The following NKD1 variants were observed in gnomAD, a reference collection of about 807,000 sequenced individuals.
The protein encoded by NKD1 is protein naked cuticle homolog 1.
Under a neutral mutation model 56.0 loss-of-function variants are expected in NKD1, and 21 were observed. The ratio of observed to expected loss-of-function variants is 0.38; its 90% CI spans 0.27 to 0.54. The LOEUF (loss-of-function observed/expected upper bound fraction) is 0.54. Ranked by LOEUF, NKD1 falls within the 20% of genes least tolerant of loss-of-function variation. The probability of loss-of-function intolerance (pLI) is 0.82; values close to 1 mark genes in which losing one functional copy is unlikely to be tolerated. For missense variants in NKD1, 578 were observed against 642.7 expected, an observed-to-expected ratio of 0.90 and a Z score of 1.09; for synonymous variants, 263 against 265.7, an observed-to-expected ratio of 0.99 and a Z score of 0.10.
In NKD1 at chr16:50,567,136, C is replaced by G. The variant is rs376894246; in HGVS notation, c.192+17581C>G. Among the ~76,000 whole-genome samples the G allele has an allele frequency of 2.1e-3, 324 of 152,158 alleles. 11 individuals carry two copies. In the South Asian group the frequency reaches 0.065, roughly 30 times the overall value. ...TTGGGTTTATACTGAACCGTGTTGA[C>G]GCTGGGCCTTAGTTTTCTTACCTAT... is the stretch of plus-strand genomic sequence containing the variant. On this transcript the variant is annotated intron_variant, in intron 3 of 9. Transcript: ENST00000268459.
chr16:50,631,337 G>A (rs372796264), intron 8 of NKD1, among the ~76,000 whole-genome samples: 1 of 152,174 alleles, frequency 6.6e-6, no homozygotes, highest in Non-Finnish European at 1.5e-5. Flanking sequence ...TGGTGGATAA[G>A]GAATTATGAG....
chr16:50,647,579 C>T lies in NKD1; in HGVS notation c.*13798C>T. On this transcript the variant is annotated 3_prime_UTR_variant, in exon 10 of 10. Coordinates refer to ENST00000268459, the MANE Select transcript of NKD1 (RefSeq NM_033119.5). The stretch of plus-strand genomic sequence containing the variant: ...AGGAAGGGAAGTTCCACTCCAGGAG[C>T]CCACGTGGAACATACCTCAGAGTTA... 6.6e-6 allele frequency: 1 copy of T among 152,248 alleles called. No homozygotes were observed. Among genetic ancestry groups the T allele is most frequent in the Non-Finnish European group, 1.5e-5 (1 of 68,020 alleles). 9.4% of individuals were successfully genotyped at this position (152,248 alleles called of 1,614,324 possible).
intron 3 of NKD1, among the ~76,000 whole-genome samples, chr16:50,567,294 T>C (rs1960782553): frequency 6.6e-6 from 1 of 152,370 alleles, no homozygotes; most frequent in Non-Finnish European, 1.5e-5. Context: ...TTAAGGCCTC[T>C]GGATCTGCTG....
At chr16:50,610,218 A>G (rs1223740933) in intron 4 of NKD1, among the ~76,000 whole-genome samples, 1 of 152,230 alleles carries the variant, frequency 6.6e-6, no homozygotes, top group Non-Finnish European at 1.5e-5. Flanking sequence ...AACCACAATT[A>G]TGTATTCCTT....
At position 50,630,752 on chromosome 16, in the gene NKD1, C is replaced by T. The variant is rs539429535; in HGVS notation, c.611-74C>T. 1.4e-4 allele frequency: 182 copies of T among 1,336,608 alleles called. 2 individuals carry two copies. The African/African-American group carries it at 2.2e-3, about 16-fold the overall frequency. The allele number at this position is 1,336,608 out of a possible 1,614,324, so 82.8% of individuals were successfully genotyped here. A position where few individuals can be genotyped will look rare whatever the true frequency, so the allele number is the denominator to read the frequency against. On this transcript the variant is annotated intron_variant, in intron 7 of 9. Coordinates refer to ENST00000268459, the MANE Select transcript of NKD1 (RefSeq NM_033119.5). Reference sequence around the variant, plus strand: ...ACAGTGGCCTTGCAAAGCAGCTGCACGCCAGGCAGCCCTGGGGAGGGTGGG... The same window carrying T: ...ACAGTGGCCTTGCAAAGCAGCTGCATGCCAGGCAGCCCTGGGGAGGGTGGG...
intron 3 of NKD1, among the ~76,000 whole-genome samples, chr16:50,594,061 A>G (rs1311393764): frequency 6.6e-6 from 1 of 150,740 alleles, no homozygotes; most frequent in Non-Finnish European, 1.5e-5. Flanking sequence ...CGCTGGCTGA[A>G]TGAGAGAGGT....
intron 3 of NKD1, among the ~76,000 whole-genome samples, chr16:50,581,242 T>C (rs886389689): frequency 6.6e-6 from 1 of 152,232 alleles, no homozygotes; most frequent in Non-Finnish European, 1.5e-5. Context: ...GCAAAATTAG[T>C]GTTGTGAAAC....
At chr16:50,599,553 G>A (rs902329463) in intron 3 of NKD1, among the ~76,000 whole-genome samples, 1 of 152,232 alleles carries the variant, frequency 6.6e-6, no homozygotes, top group Admixed American at 6.5e-5. Flanking sequence ...CACTTGGTCG[G>A]TGATGCCCCT....
At chr16:50,585,716 CTG>C (rs1961214402) in intron 3 of NKD1, among the ~76,000 whole-genome samples, 1 of 152,244 alleles carries the variant, frequency 6.6e-6, no homozygotes, top group African/African-American at 2.4e-5. Flanking sequence ...GGGCTGGACA[CTG>C]TGCTCTGTGA....
chr16:50,633,557 C>T lies in NKD1; in HGVS notation c.1189C>T (p.Leu397Phe). 10 of 1,611,522 alleles carry T rather than the reference C, an allele frequency of 6.2e-6. No individual in the cohort carries two copies. The highest frequency in any genetic ancestry group is 8.5e-6 in the Non-Finnish European group (10 of 1,179,496). ...SPALLPSLAP[L>F]GHKKHKHRAK... ...GGCCCTCCTCCCCTCCCTAGCCCCC[C>T]TCGGGCACAAGAAGCACAAGCACCG... Residue 397 changes from leucine (L) to phenylalanine (F), a missense_variant, in exon 10 of 10, where the codon CTC becomes TTC. Transcript: ENST00000268459. The surrounding 1 kb of genome is among the most constrained non-coding windows in gnomAD (Gnocchi z 4.9).
intron 4 of NKD1, among the ~76,000 whole-genome samples, chr16:50,614,463 C>T (rs1033194208): frequency 5.3e-5 from 8 of 152,180 alleles, no homozygotes; most frequent in Admixed American, 1.3e-4. Flanking sequence ...CTCCCTCTGT[C>T]CCCTGGTGGC....
In NKD1 at chr16:50,612,857, T is replaced by C. The variant is rs562329039; in HGVS notation, c.259+4497T>C. On this transcript the variant is annotated intron_variant, in intron 4 of 9. Coordinates refer to ENST00000268459, the MANE Select transcript of NKD1 (RefSeq NM_033119.5). ...CCCAGATGGTTGGGTGGGTGACTGC[T>C]GGATTCTGACCTCTGTTTTAAGAAG... Among the ~76,000 whole-genome samples, 407 of 152,302 alleles carry C rather than the reference T, an allele frequency of 2.7e-3. 3 individuals are homozygous for C. Among genetic ancestry groups the C allele is most frequent in the African/African-American group, 9.5e-3 (393 of 41,552 alleles).
At position 50,634,807 on chromosome 16, in the gene NKD1, G is replaced by C. The variant is rs1181861272; in HGVS notation, c.*1026G>C. On this transcript the variant is annotated 3_prime_UTR_variant, in exon 10 of 10. Coordinates refer to ENST00000268459, the MANE Select transcript of NKD1 (RefSeq NM_033119.5). ...GATGTGACCCTGCTTGTCTCCTTTTGGGGCTGGACGGCTCTCAGATGCTTT... is the reference window on the plus strand; with the variant it reads ...GATGTGACCCTGCTTGTCTCCTTTTCGGGCTGGACGGCTCTCAGATGCTTT... 6.6e-6 allele frequency: 1 copy of C among 152,256 alleles called. No individual in the cohort carries two copies. Among genetic ancestry groups the C allele is most frequent in the African/African-American group, 2.4e-5 (1 of 41,408 alleles). The allele number at this position is 152,256 out of a possible 1,614,324, so 9.4% of individuals were successfully genotyped here.
At chr16:50,605,771 C>T (rs748411893) in intron 3 of NKD1, among the ~76,000 whole-genome samples, 3 of 152,164 alleles carry the variant, frequency 2.0e-5, no homozygotes, top group Non-Finnish European at 4.4e-5. Flanking sequence ...TGGAACCAGT[C>T]GCCCACAGGT....
In NKD1 at chr16:50,548,452, T is replaced by G; in HGVS notation, c.-102T>G. ...GTCCCGGCGCCGCCTCGGGCTCCGC[T>G]CGGCTCGGGGGCTGCTTCGGGAGGA... On this transcript the variant is annotated 5_prime_UTR_variant, in exon 1 of 10. Coordinates refer to ENST00000268459, the MANE Select transcript of NKD1 (RefSeq NM_033119.5). 1 of 663,606 alleles carries G rather than the reference T, an allele frequency of 1.5e-6. No individual in the cohort carries two copies. Among genetic ancestry groups the G allele is most frequent in the Non-Finnish European group, 2.0e-6 (1 of 512,452 alleles). The allele number at this position is 663,606 out of a possible 1,614,324, so 41.1% of individuals were successfully genotyped here. A position where few individuals can be genotyped will look rare whatever the true frequency, so the allele number is the denominator to read the frequency against.
At chr16:50,554,350 A>T (rs961785830) in intron 3 of NKD1, among the ~76,000 whole-genome samples, 1 of 152,162 alleles carries the variant, frequency 6.6e-6, no homozygotes, top group Non-Finnish European at 1.5e-5. Flanking sequence ...CAGGAAGCTC[A>T]GGTACACTCT....
chr16:50,601,722 A>G (rs1485371807), intron 3 of NKD1, among the ~76,000 whole-genome samples: 1 of 152,220 alleles, frequency 6.6e-6, no homozygotes, highest in Non-Finnish European at 1.5e-5. Flanking sequence ...CCTGGTGGGC[A>G]GAGCCAGGAG....
At chr16:50,605,187 G>C (rs1424306355) in intron 3 of NKD1, among the ~76,000 whole-genome samples, 1 of 152,186 alleles carries the variant, frequency 6.6e-6, no homozygotes, top group Non-Finnish European at 1.5e-5. Flanking sequence ...CAGGGCTGTG[G>C]GGAGGCCATT....
chr16:50,605,845 T>C (rs1961694917), intron 3 of NKD1, among the ~76,000 whole-genome samples: 1 of 152,136 alleles, frequency 6.6e-6, no homozygotes, highest in South Asian at 2.1e-4. Flanking sequence ...ACAGTAAGTG[T>C]CAGCTGTTTG....
Sources: allele counts gnomAD v4.1 joint callset (sites outside exome capture counted in the v4.1 genomes callset), GRCh38; gene constraint gnomAD v4.1.1; non-coding constraint Gnocchi (gnomAD v3.1); transcripts MANE v1.5; gene names NCBI Gene and HGNC (gene_info 2026-07-23, HGNC 2026-07-21).